The following CFAP77 variants were observed in gnomAD, a reference collection of about 807,000 sequenced individuals.
The protein encoded by CFAP77 is cilia- and flagella-associated protein 77.
A neutral mutation model predicts 31.1 loss-of-function variants in CFAP77; 25 were observed. The observed-to-expected ratio is 0.80, with a 90% confidence interval of 0.59 to 1.12. The LOEUF is 1.12. Among genes scored for constraint, CFAP77 ranks in the 50% most tolerant of loss-of-function variants. CFAP77 has a pLI of 0.00. For synonymous variants in CFAP77, 151 were observed against 159.9 expected (o/e 0.94, Z 0.42); for missense variants, 377 against 397.3 (o/e 0.95, Z 0.44).
chr9:132,513,028 T>A (rs6597576), intron 3 of CFAP77, among the ~76,000 whole-genome samples: 29,662 of 151,974 alleles, frequency 0.2, 3,179 homozygotes, highest in African/African-American at 0.28. Context: ...TTAAAAAAAA[T>A]TTTAATTTTT....
rs781602526 is a variant in CFAP77, at chr9:132,572,547, T to C, written c.*37T>C. On this transcript the variant is annotated 3_prime_UTR_variant, in exon 6 of 6. Transcript: ENST00000393216. ...CCTGCCACAAGAAGCCATCTTGACATAGTGGAAAATTCCCAGAAGGACTCC... is the reference window on the plus strand; with the variant it reads ...CCTGCCACAAGAAGCCATCTTGACACAGTGGAAAATTCCCAGAAGGACTCC... 6 of 1,323,270 alleles carry C rather than the reference T, an allele frequency of 4.5e-6. No individual in the cohort carries two copies. The highest frequency in any genetic ancestry group is 6.1e-6 in the Non-Finnish European group (6 of 981,614). The allele number at this position is 1,323,270 out of a possible 1,614,324, so 82.0% of individuals were successfully genotyped here.
intron 1 of CFAP77, among the ~76,000 whole-genome samples, chr9:132,414,499 T>TCACACACA (rs34016277): frequency 2.0e-3 from 288 of 143,784 alleles, no homozygotes; most frequent in African/African-American, 5.3e-3. Context: ...TAGCTCTTAT[T>TCACACACA]CACACACACA....
At chr9:132,530,136 C>CTTTTTTTTTTTTTTTTTTTTTTTTTTT (rs750962954) in intron 3 of CFAP77, among the ~76,000 whole-genome samples, 1 of 93,268 alleles carries the variant, frequency 1.1e-5, no homozygotes, top group Non-Finnish European at 2.1e-5. Flanking sequence ...TCTTTCTTTT[C>CTTTTTTTTTTTTTTTTTTTTTTTTTTT]TTTTTTTTTT....
At chr9:132,475,550 A>G (rs1268518655) in intron 1 of CFAP77, among the ~76,000 whole-genome samples, 2 of 152,094 alleles carry the variant, frequency 1.3e-5, no homozygotes, top group African/African-American at 4.8e-5. Context: ...TGCCTCAGTC[A>G]AGGGGTAAAT....
rs191801991 is a variant in CFAP77, at chr9:132,498,282, G to A, written c.196-413G>A. Among the ~76,000 whole-genome samples, 945 of 152,210 alleles carry A rather than the reference G, an allele frequency of 6.2e-3. 10 individuals are homozygous for A. The highest frequency in any genetic ancestry group is 0.021 in the African/African-American group (883 of 41,506). On this transcript the variant is annotated intron_variant, in intron 1 of 5. Transcript: ENST00000393216. This position sits in a 1 kb window ranked among gnomAD's most constrained non-coding sequence, Gnocchi z 4.2. Reference sequence around the variant, plus strand: ...TATGAGGAAGGTGGGAATGAAGGTAGGAAAGATGTCTCCTTCCTTCGACGG... The same window carrying A: ...TATGAGGAAGGTGGGAATGAAGGTAAGAAAGATGTCTCCTTCCTTCGACGG...
chr9:132,476,849 A>G (rs994507511), intron 1 of CFAP77, among the ~76,000 whole-genome samples: 3 of 152,156 alleles, frequency 2.0e-5, no homozygotes, highest in African/African-American at 7.2e-5. Context: ...CACTGCTGCT[A>G]ACACCTTCAT....
chr9:132,442,109 C>A (rs1850624563), intron 1 of CFAP77, among the ~76,000 whole-genome samples: 1 of 152,144 alleles, frequency 6.6e-6, no homozygotes, highest in Non-Finnish European at 1.5e-5. Flanking sequence ...GTAAGACAGA[C>A]ATAGCCCCCG....
At chr9:132,508,975 A>C (rs1851984393) in intron 3 of CFAP77, among the ~76,000 whole-genome samples, 1 of 152,154 alleles carries the variant, frequency 6.6e-6, no homozygotes, top group South Asian at 2.1e-4. Context: ...TGGGCGAGGA[A>C]GTCATTTCTC....
intron 1 of CFAP77, among the ~76,000 whole-genome samples, chr9:132,415,647 A>G (rs1316888772): frequency 1.3e-5 from 2 of 152,222 alleles, no homozygotes; most frequent in Non-Finnish European, 2.9e-5. Flanking sequence ...GCTGGGGTGA[A>G]CTAATCAGAG....
intron 3 of CFAP77, among the ~76,000 whole-genome samples, chr9:132,516,588 AAT>A (rs1305291503): frequency 9.9e-6 from 1 of 101,112 alleles, no homozygotes; most frequent in East Asian, 2.5e-4. Flanking sequence ...ACCACACAGA[AAT>A]ACACACACAC....
Position 132,482,814 on chromosome 9 carries a change from A to C in CFAP77, c.196-15881A>C, listed in dbSNP as rs1423088273. Among the ~76,000 whole-genome samples the C allele has an allele frequency of 8.2e-3, 291 of 35,322 alleles. 4 individuals are homozygous for C. Among genetic ancestry groups the C allele is most frequent in the African/African-American group, 0.033 (271 of 8,196 alleles). 23.2% of individuals were successfully genotyped at this position (35,322 alleles called of 152,430 possible). A position where few individuals can be genotyped will look rare whatever the true frequency, so the allele number is the denominator to read the frequency against. On this transcript the variant is annotated intron_variant, in intron 1 of 5. Transcript: ENST00000393216. ...CTGGGGACTGTTGTGGGGTGGGGGGAGGGGGGAGGGATAGCATTAGGAGAT... is the reference window on the plus strand; with the variant it reads ...CTGGGGACTGTTGTGGGGTGGGGGGCGGGGGGAGGGATAGCATTAGGAGAT...
At chr9:132,441,506 C>T (rs1021493196) in intron 1 of CFAP77, among the ~76,000 whole-genome samples, 3 of 152,122 alleles carry the variant, frequency 2.0e-5, no homozygotes, top group Admixed American at 2.0e-4. Flanking sequence ...CTTTTGAGGG[C>T]CACAGACACC....
rs1019896283 is a variant in CFAP77 at position 132,511,885 on chromosome 9, C to T, written c.524+12285C>T. 6.6e-6 allele frequency among the ~76,000 whole-genome samples: 1 copy of T among 152,132 alleles called. No individual in the cohort carries two copies. Among genetic ancestry groups the T allele is most frequent in the Non-Finnish European group, 1.5e-5 (1 of 68,026 alleles). On this transcript the variant is annotated intron_variant, in intron 3 of 5. Transcript: ENST00000393216. This position sits in a 1 kb window ranked among gnomAD's most constrained non-coding sequence, Gnocchi z 5.8. ...CCTGACCAATATGGTGAAATCCCGT[C>T]TCTACCAAAGATACAAAAATTAGCT...
intron 1 of CFAP77, among the ~76,000 whole-genome samples, chr9:132,427,360 A>G (rs2131686498): frequency 6.6e-6 from 1 of 152,002 alleles, no homozygotes. Context: ...AGCCCATCCT[A>G]TGTCCCACCC....
intron 3 of CFAP77, among the ~76,000 whole-genome samples, chr9:132,531,755 C>G (rs1427199005): frequency 1.3e-5 from 2 of 152,162 alleles, no homozygotes; most frequent in Admixed American, 1.3e-4. Context: ...AGAAGGGGCA[C>G]AGCCTGCCGG....
rs1243430049 is a variant in CFAP77 at position 132,480,115 on chromosome 9, A to C, written c.196-18580A>C. Among the ~76,000 whole-genome samples, 1 of 152,160 alleles carries C rather than the reference A, an allele frequency of 6.6e-6. No homozygotes were observed. Among genetic ancestry groups the C allele is most frequent in the Non-Finnish European group, 1.5e-5 (1 of 68,002 alleles). ...GCCCCCTCATTTTGCAGATGGGACCACTGAGGCCAGAGAAGAGGAGAGGGG... is the reference window on the plus strand; with the variant it reads ...GCCCCCTCATTTTGCAGATGGGACCCCTGAGGCCAGAGAAGAGGAGAGGGG... On this transcript the variant is annotated intron_variant, in intron 1 of 5. Transcript: ENST00000393216. This position sits in a 1 kb window ranked among gnomAD's most constrained non-coding sequence, Gnocchi z 5.8.
rs1852162779 is a variant in CFAP77, at chr9:132,517,133, TTCG to T, written c.524+17535_524+17537del. ...TGTCCCTCATGGATCGGGTGTCGATTTCGTATCGTGGAGAGAAGCCCAGCCCTC... is the reference window on the plus strand; with the variant it reads ...TGTCCCTCATGGATCGGGTGTCGATTTATCGTGGAGAGAAGCCCAGCCCTC... On this transcript the variant is annotated intron_variant, in intron 3 of 5. Transcript: ENST00000393216. This position sits in a 1 kb window ranked among gnomAD's most constrained non-coding sequence, Gnocchi z 4.7. Among the ~76,000 whole-genome samples, 1 of 151,970 alleles carries T rather than the reference TTCG, an allele frequency of 6.6e-6. No individual in the cohort carries two copies. The highest frequency in any genetic ancestry group is 1.5e-5 in the Non-Finnish European group (1 of 67,988).
At chr9:132,435,783 G>A (rs747494923) in intron 1 of CFAP77, among the ~76,000 whole-genome samples, 60 of 152,110 alleles carry the variant, frequency 3.9e-4, no homozygotes, top group Admixed American at 3.3e-3. Flanking sequence ...GGCACCCCAC[G>A]GCCCACCTTC....
chr9:132,548,479 G>C (rs1255972118), intron 5 of CFAP77, among the ~76,000 whole-genome samples: 4 of 152,166 alleles, frequency 2.6e-5, no homozygotes, highest in African/African-American at 9.7e-5. Context: ...TCTTCCTGAT[G>C]TCTCACCAAA....
Sources: allele counts gnomAD v4.1 joint callset (sites outside exome capture counted in the v4.1 genomes callset), GRCh38; gene constraint gnomAD v4.1.1; non-coding constraint Gnocchi (gnomAD v3.1); transcripts MANE v1.5; gene names NCBI Gene and HGNC (gene_info 2026-07-23, HGNC 2026-07-21).